Variants in TM4SF4 observed in about 807,000 individuals in gnomAD.
TM4SF4 encodes the protein transmembrane 4 L six family member 4.
A neutral mutation model predicts 24.1 loss-of-function variants in TM4SF4; 24 were observed. The observed-to-expected ratio is 1.00, with a 90% CI of 0.72 to 1.40. The LOEUF (loss-of-function observed/expected upper bound fraction) is 1.40, where lower values mean the gene tolerates loss of function less well. Among genes scored for constraint, TM4SF4 ranks in the 40% most tolerant of loss-of-function variants. The pLI, the probability that TM4SF4 is intolerant of heterozygous loss-of-function variation, is 0.00. For missense variants in TM4SF4, 254 were observed against 254.2 expected, an observed-to-expected ratio of 1.00 and a Z score of 0.01; for synonymous variants, 113 against 97.0, an observed-to-expected ratio of 1.17 and a Z score of -0.97.
At chr3:149,491,469 C>CAAAA (rs1019576461) in intron 3 of TM4SF4, among the ~76,000 whole-genome samples, 1 of 137,094 alleles carries the variant, frequency 7.3e-6, no homozygotes, top group African/African-American at 2.6e-5. Flanking sequence ...CTGTCTCAAA[C>CAAAA]AAAAAACAAA....
chr3:149,485,760 C>G (rs918083674), intron 2 of TM4SF4, among the ~76,000 whole-genome samples: 6 of 152,106 alleles, frequency 3.9e-5, no homozygotes, highest in Non-Finnish European at 5.9e-5. Flanking sequence ...CACCACTGCA[C>G]TCAGCCTGGG....
chr3:149,499,028 C>T, intron 4 of TM4SF4, 117 bp downstream of exon 4: 5 of 1,102,832 alleles, frequency 4.5e-6, no homozygotes, highest in African/African-American at 1.6e-5. Flanking sequence ...TAAGTGTGGC[C>T]ACCTGCAGAA....
intron 4 of TM4SF4, 97 bp from the exon 5 acceptor site, chr3:149,502,579 C>T (rs1321580804): frequency 1.4e-5 from 12 of 843,368 alleles, no homozygotes; most frequent in Non-Finnish European, 1.9e-5. Flanking sequence ...CATTAAGAGC[C>T]AGGAGGAAGG....
At chr3:149,479,732 C>T (rs1325462308) in intron 2 of TM4SF4, among the ~76,000 whole-genome samples, 1 of 152,222 alleles carries the variant, frequency 6.6e-6, no homozygotes, top group Non-Finnish European at 1.5e-5. Context: ...GCCTGTGAGG[C>T]AGACACAGAC....
intron 3 of TM4SF4, among the ~76,000 whole-genome samples, chr3:149,492,549 G>A (rs1314859780): frequency 6.6e-6 from 1 of 152,058 alleles, no homozygotes; most frequent in Non-Finnish European, 1.5e-5. Flanking sequence ...CCTGCACAGG[G>A]TGTGGGGACA....
Position 149,487,713 on chromosome 3 carries a change from G to T in TM4SF4, c.359G>T (p.Cys120Phe). ...SAISINKGPK[C>F]LMANSTWGYP... Reference sequence around the variant, plus strand: ...ATTTCAATCAACAAGGGTCCTAAATGCCTCATGGCCAATAGTACATGGGGC... The same window carrying T: ...ATTTCAATCAACAAGGGTCCTAAATTCCTCATGGCCAATAGTACATGGGGC... Residue 120 changes from cysteine to phenylalanine, a missense_variant, in exon 3 of 5, where the codon TGC becomes TTC. Cys to Phe is a radical substitution (Grantham distance 205). Coordinates refer to ENST00000305354, the MANE Select transcript of TM4SF4 (RefSeq NM_004617.4). 1.2e-6 allele frequency: 2 copies of T among 1,614,004 alleles called. No individual in the cohort carries two copies. Among genetic ancestry groups the T allele is most frequent in the South Asian group, 1.1e-5 (1 of 91,080 alleles).
At chr3:149,480,506 C>T (rs1267212862) in intron 2 of TM4SF4, among the ~76,000 whole-genome samples, 1 of 152,078 alleles carries the variant, frequency 6.6e-6, no homozygotes, top group African/African-American at 2.4e-5. Context: ...GATCAACCTC[C>T]CTGTTTTGAA....
chr3:149,482,509 C>T (rs1178066973), intron 2 of TM4SF4, among the ~76,000 whole-genome samples: 1 of 152,138 alleles, frequency 6.6e-6, no homozygotes, highest in Non-Finnish European at 1.5e-5. Flanking sequence ...TTTGAAGTGT[C>T]TACCCTCTAA....
At chr3:149,495,740 G>T in intron 3 of TM4SF4, 1 of 233,286 alleles carries the variant, frequency 4.3e-6, no homozygotes, top group Non-Finnish European at 8.8e-6. Context: ...CAAGTTTGCT[G>T]AGCTGAAGGA....
At chr3:149,495,696 C>A (rs773481212) in intron 3 of TM4SF4, 1 of 244,136 alleles carries the variant, frequency 4.1e-6, no homozygotes, top group Non-Finnish European at 8.6e-6. Context: ...TAGCTACACC[C>A]CTCTGCTGCT....
rs112597646 is a variant in TM4SF4, at chr3:149,481,154, C to T, written c.264+5242C>T. Among the ~76,000 whole-genome samples the T allele has an allele frequency of 3.5e-3, 534 of 152,280 alleles. 3 individuals are homozygous for T. Among genetic ancestry groups the T allele is most frequent in the Non-Finnish European group, 4.6e-3 (312 of 68,036 alleles). On this transcript the variant is annotated intron_variant, in intron 2 of 4. Coordinates refer to ENST00000305354, the MANE Select transcript of TM4SF4 (RefSeq NM_004617.4). ...GGATTACAGTAGTGAGCCACCACGC[C>T]GGCATCTTCAGTAAATATTTTCTAT... is the stretch of plus-strand genomic sequence containing the variant.
intron 3 of TM4SF4, among the ~76,000 whole-genome samples, chr3:149,498,079 A>G (rs1734344910): frequency 1.3e-5 from 2 of 152,230 alleles, no homozygotes; most frequent in African/African-American, 2.4e-5. Context: ...AAAATTAATT[A>G]CATCTTTGTG....
chr3:149,478,096 A>T (rs557482201), intron 2 of TM4SF4, among the ~76,000 whole-genome samples: 2 of 152,350 alleles, frequency 1.3e-5, no homozygotes, highest in South Asian at 4.1e-4. Flanking sequence ...GGTTTTTAAA[A>T]TCAGATGTAA....
chr3:149,485,967 C>T (rs925301503), intron 2 of TM4SF4, among the ~76,000 whole-genome samples: 3 of 152,020 alleles, frequency 2.0e-5, no homozygotes, highest in Non-Finnish European at 4.4e-5. Flanking sequence ...GGTATTAAAA[C>T]GTTGCATCAA....
intron 3 of TM4SF4, among the ~76,000 whole-genome samples, chr3:149,490,966 C>G (rs1204319148): frequency 6.6e-6 from 1 of 151,568 alleles, no homozygotes; most frequent in African/African-American, 2.4e-5. Context: ...TTTTTTCTTT[C>G]TCTCCTCTTC....
At chr3:149,481,786 C>T (rs1219294999) in intron 2 of TM4SF4, among the ~76,000 whole-genome samples, 1 of 152,216 alleles carries the variant, frequency 6.6e-6, no homozygotes, top group East Asian at 1.9e-4. Flanking sequence ...TTCTTATCTA[C>T]TCTTTCAAGG....
intron 2 of TM4SF4, among the ~76,000 whole-genome samples, chr3:149,486,375 T>C (rs1329063326): frequency 6.6e-6 from 1 of 152,244 alleles, no homozygotes; most frequent in Non-Finnish European, 1.5e-5. Flanking sequence ...GATATGAGCC[T>C]GGGTCTGGGT....
chr3:149,476,853 T>A (rs1733941428), intron 2 of TM4SF4, among the ~76,000 whole-genome samples: 1 of 150,042 alleles, frequency 6.7e-6, no homozygotes, highest in Admixed American at 6.7e-5. Context: ...TCACTCTGTT[T>A]GCCCAGGCTA....
intron 2 of TM4SF4, among the ~76,000 whole-genome samples, chr3:149,476,814 G>GTTTTTTTTTTTTTTTTTTTTTTTT (rs67092416): frequency 3.7e-5 from 3 of 81,190 alleles, no homozygotes; most frequent in Non-Finnish European, 7.4e-5. Flanking sequence ...TTTTGTTTTT[G>GTTTTTTTTTTTTTTTTTTTTTTTT]TTTTTTTTTT....
Sources: allele counts gnomAD v4.1 joint callset (sites outside exome capture counted in the v4.1 genomes callset), GRCh38; gene constraint gnomAD v4.1.1; transcripts MANE v1.5; gene names NCBI Gene and HGNC (gene_info 2026-07-23, HGNC 2026-07-21).